Variants in POLR3B observed in about 807,000 individuals in gnomAD.
POLR3B encodes the protein DNA-directed RNA polymerase III subunit RPC2.
In POLR3B, 96 loss-of-function variants were observed where a neutral mutation model predicts 147.4. That is an observed-to-expected ratio of 0.65 (90% CI 0.55 to 0.77). The LOEUF is 0.77. Among genes scored for constraint, POLR3B ranks in the 30% least tolerant of loss-of-function variants. POLR3B has a pLI of 0.00. For missense variants in POLR3B, 1,036 were observed against 1,413.5 expected (o/e 0.73, Z 4.28); for synonymous variants, 461 against 485.9 (o/e 0.95, Z 0.67).
intron 11 of POLR3B, 95 bp downstream of exon 11, chr12:106,406,071 T>C (rs907402270): frequency 7.3e-7 from 1 of 1,363,626 alleles, no homozygotes; most frequent in African/African-American, 1.4e-5. Flanking sequence ...TAAAGTCCAA[T>C]TCCTCAAGAG....
chr12:106,365,871 A>G (rs1235471365), intron 2 of POLR3B, among the ~76,000 whole-genome samples: 2 of 146,390 alleles, frequency 1.4e-5, no homozygotes, highest in African/African-American at 4.9e-5. Flanking sequence ...AAAAAAAAAA[A>G]AATTTTTTTT....
At chr12:106,392,005 A>G (rs1044450885) in intron 9 of POLR3B, among the ~76,000 whole-genome samples, 23 of 152,336 alleles carry the variant, frequency 1.5e-4, no homozygotes, top group African/African-American at 5.5e-4. Context: ...TAGTGAGATT[A>G]TGCTGTGTTC....
intron 23 of POLR3B, among the ~76,000 whole-genome samples, chr12:106,484,943 G>A (rs564288259): frequency 6.6e-6 from 1 of 152,082 alleles, no homozygotes; most frequent in African/African-American, 2.4e-5. Context: ...AGTGACAGAA[G>A]GATGATGGGG....
At chr12:106,472,342 T>C (rs2038105383) in intron 23 of POLR3B, among the ~76,000 whole-genome samples, 2 of 151,904 alleles carry the variant, frequency 1.3e-5, no homozygotes, top group Non-Finnish European at 2.9e-5. Context: ...TGTGTCTTTA[T>C]AGCAGCATGA....
At chr12:106,420,587 A>G (rs982190153) in intron 12 of POLR3B, among the ~76,000 whole-genome samples, 1 of 152,216 alleles carries the variant, frequency 6.6e-6, no homozygotes, top group African/African-American at 2.4e-5. Context: ...TGTTTTGTCC[A>G]GAATTTATGA....
chr12:106,389,549 T>C (rs895545081), intron 9 of POLR3B, among the ~76,000 whole-genome samples: 1 of 152,164 alleles, frequency 6.6e-6, no homozygotes. Flanking sequence ...TCGTTACAGG[T>C]TGAGCATCCC....
chr12:106,366,370 A>G, intron 2 of POLR3B, 146 bp from the exon 3 acceptor site: 1 of 680,796 alleles, frequency 1.5e-6, no homozygotes, highest in Non-Finnish European at 2.7e-6. Flanking sequence ...AATAAAATTC[A>G]TGGATTATTT....
chr12:106,366,615 T>C, intron 3 of POLR3B, 43 bp downstream of exon 3: 1 of 1,600,288 alleles, frequency 6.2e-7, no homozygotes, highest in Non-Finnish European at 8.6e-7. Flanking sequence ...TAAGGATTAA[T>C]TGGAAGCCAG....
chr12:106,358,182 G>T, intron 1 of POLR3B: 1 of 1,432,978 alleles, frequency 7.0e-7, no homozygotes, highest in South Asian at 1.5e-5. Flanking sequence ...GGGCCGAGAA[G>T]CCCCGCTGCT....
At position 106,430,219 on chromosome 12, in the gene POLR3B, C is replaced by A; in HGVS notation, c.1264-54C>A. On this transcript the variant is annotated intron_variant, in intron 13 of 27. Coordinates refer to ENST00000228347, the MANE Select transcript of POLR3B (RefSeq NM_018082.6). ...ACTTCTTGGAGTGACCGCACGGTAT[C>A]AGACAACATAGGATTGGGTTAGGAA... The A allele has an allele frequency of 2.9e-6, 4 of 1,386,990 alleles. No homozygotes were observed. The South Asian group carries it at 4.6e-5, about 16-fold the overall frequency. 85.9% of individuals were successfully genotyped at this position (1,386,990 alleles called of 1,614,324 possible). A position where few individuals can be genotyped will look rare whatever the true frequency, so the allele number is the denominator to read the frequency against.
At chr12:106,477,828 G>A (rs1256656701) in intron 23 of POLR3B, among the ~76,000 whole-genome samples, 3 of 149,612 alleles carry the variant, frequency 2.0e-5, no homozygotes, top group South Asian at 2.1e-4. Context: ...CGTCTTCTGC[G>A]TCGCTCACGG....
At chr12:106,481,515 G>T (rs1288181972) in intron 23 of POLR3B, among the ~76,000 whole-genome samples, 3 of 152,208 alleles carry the variant, frequency 2.0e-5, no homozygotes, top group Non-Finnish European at 2.9e-5. Context: ...GTGAGTGGGG[G>T]TGGCACCAAA....
intron 26 of POLR3B, 141 bp from the exon 27 acceptor site, chr12:106,503,940 G>A: frequency 1.3e-6 from 1 of 761,712 alleles, no homozygotes. Context: ...TAAGCAGCGT[G>A]TCCAAGGTCC....
At chr12:106,424,658 C>T (rs2037413571) in intron 12 of POLR3B, among the ~76,000 whole-genome samples, 1 of 151,992 alleles carries the variant, frequency 6.6e-6, no homozygotes, top group African/African-American at 2.4e-5. Flanking sequence ...TGATTTAGTT[C>T]TCTAATTTCC....
chr12:106,358,172 G>A (rs1306115323), intron 1 of POLR3B: 4 of 1,437,458 alleles, frequency 2.8e-6, no homozygotes, highest in Non-Finnish European at 3.6e-6. Context: ...GCCGCTGCGG[G>A]GGCCGAGAAG....
At chr12:106,454,333 C>T (rs1482685876) in intron 19 of POLR3B, among the ~76,000 whole-genome samples, 169 bp from the exon 20 acceptor site, 1 of 152,100 alleles carries the variant, frequency 6.6e-6, no homozygotes, top group Non-Finnish European at 1.5e-5. Flanking sequence ...AGAAAAGTTG[C>T]TTTTGCAAGT....
chr12:106,455,058 T>A (rs2037847194), intron 20 of POLR3B, among the ~76,000 whole-genome samples: 1 of 152,220 alleles, frequency 6.6e-6, no homozygotes, highest in South Asian at 2.1e-4. Context: ...TAGTGATACA[T>A]ATTATTAACA....
chr12:106,494,430 A>G (rs151075504), intron 23 of POLR3B, among the ~76,000 whole-genome samples: 48 of 152,234 alleles, frequency 3.2e-4, no homozygotes, highest in Non-Finnish European at 6.3e-4. Flanking sequence ...TTTCAGGGGT[A>G]TAGCTGAACC....
chr12:106,358,221 A>T, intron 1 of POLR3B: 1 of 1,398,644 alleles, frequency 7.1e-7, no homozygotes, highest in Non-Finnish European at 9.3e-7. Flanking sequence ...CTTCCAGCAT[A>T]GGTGTGCGTG....
Sources: gnomAD v4.1 joint callset for allele counts (sites outside exome capture counted in the v4.1 genomes callset) on GRCh38, gnomAD v4.1.1 for gene constraint, MANE v1.5 for transcripts, NCBI Gene and HGNC (gene_info 2026-07-23, HGNC 2026-07-21) for gene names.